PPP2R3A: variants seen among roughly 807,000 people sequenced by gnomAD.
PPP2R3A encodes the protein protein phosphatase 2 regulatory subunit B''alpha.
A neutral mutation model predicts 106.9 loss-of-function variants in PPP2R3A; 80 were observed. The observed-to-expected ratio is 0.75, with a 90% confidence interval of 0.62 to 0.90. The LOEUF is 0.90. Among genes scored for constraint, PPP2R3A ranks in the 40% least tolerant of loss-of-function variants. The pLI is 0.00. For missense variants in PPP2R3A, 1,386 were observed against 1,350.4 expected (o/e 1.03, Z -0.41); for synonymous variants, 483 against 468.3 (o/e 1.03, Z -0.41).
At chr3:136,004,741 A>G (rs1057196769) in intron 2 of PPP2R3A, among the ~76,000 whole-genome samples, 16 of 152,214 alleles carry the variant, frequency 1.1e-4, no homozygotes, top group Non-Finnish European at 2.4e-4. Flanking sequence ...TCCTGGAGGA[A>G]GGGAAATGCA....
At chr3:136,038,075 A>G (rs1389245135) in intron 3 of PPP2R3A, among the ~76,000 whole-genome samples, 2 of 152,164 alleles carry the variant, frequency 1.3e-5, no homozygotes, top group Non-Finnish European at 2.9e-5. Context: ...TTAGGTTCTT[A>G]TTGATCTCCT....
At chr3:136,073,399 A>C (rs1325879627) in intron 6 of PPP2R3A, among the ~76,000 whole-genome samples, 1 of 152,238 alleles carries the variant, frequency 6.6e-6, no homozygotes, top group Non-Finnish European at 1.5e-5. Context: ...GCGAATTAAT[A>C]GAGTACAGTT....
intron 1 of PPP2R3A, among the ~76,000 whole-genome samples, chr3:135,972,134 C>T (rs151162757): frequency 6.2e-4 from 95 of 152,302 alleles, no homozygotes; most frequent in African/African-American, 2.3e-3. Context: ...CGCCATTCCC[C>T]TTTACCCCTA....
rs377139851 is a variant in PPP2R3A at position 136,082,472 on chromosome 3, A to G, written c.2788+51A>G. ...CTTAACCATTTTAAAGAGTTATATA[A>G]ATTATCACTACTCATTATGAGAAAT... On this transcript the variant is annotated intron_variant, in intron 8 of 13. Coordinates refer to ENST00000264977, the MANE Select transcript of PPP2R3A (RefSeq NM_002718.5). The G allele has an allele frequency of 3.7e-4, 583 of 1,564,040 alleles. 1 individual carries two copies. The highest frequency in any genetic ancestry group is 6.7e-4 in the Middle Eastern group (4 of 5,970).
At chr3:136,047,535 C>T (rs2107858805) in intron 4 of PPP2R3A, among the ~76,000 whole-genome samples, 1 of 152,292 alleles carries the variant, frequency 6.6e-6, no homozygotes, top group South Asian at 2.1e-4. Flanking sequence ...AGCAAATTCG[C>T]AGAAACAGAA....
In PPP2R3A at chr3:136,065,598, A is replaced by G. The variant is rs147370683; in HGVS notation, c.2470-4880A>G. Among the ~76,000 whole-genome samples the G allele has an allele frequency of 3.0e-3, 453 of 152,340 alleles. 1 individual carries two copies. Among genetic ancestry groups the G allele is most frequent in the Admixed American group, 5.0e-3 (77 of 15,302 alleles). The stretch of plus-strand genomic sequence containing the variant: ...AACCAATAGCACTTTTAATAAATTG[A>G]AATTTTGGTTATGGGAAAATATTAA... On this transcript the variant is annotated intron_variant, in intron 5 of 13. Transcript: ENST00000264977.
At chr3:136,006,840 T>C (rs959634000) in intron 2 of PPP2R3A, among the ~76,000 whole-genome samples, 1 of 152,242 alleles carries the variant, frequency 6.6e-6, no homozygotes, top group Admixed American at 6.5e-5. Flanking sequence ...TTTATCTTGA[T>C]GATCAAGGGC....
chr3:136,082,477 T>C (rs1336461128), intron 8 of PPP2R3A, 56 bp downstream of exon 8: 2 of 1,557,044 alleles, frequency 1.3e-6, no homozygotes, highest in African/African-American at 1.4e-5. Context: ...ATATAAATTA[T>C]CACTACTCAT....
chr3:136,078,614 G>A (rs1399138846), intron 7 of PPP2R3A, among the ~76,000 whole-genome samples, 161 bp downstream of exon 7: 2 of 151,658 alleles, frequency 1.3e-5, no homozygotes, highest in Non-Finnish European at 2.9e-5. Context: ...AATGTTTTGG[G>A]TGAGGGGGTA....
At position 136,103,271 on chromosome 3, in the gene PPP2R3A, A is replaced by T. The variant is rs190478663; in HGVS notation, c.3117A>T (p.Leu1039=). The T allele has an allele frequency of 6.3e-7, 1 of 1,597,042 alleles. No homozygotes were observed. Among genetic ancestry groups the T allele is most frequent in the Admixed American group, 1.7e-5 (1 of 58,684 alleles). The change falls in exon 12 of 14, where the codon CTA becomes CTT. Residue 1039 remains leucine, a synonymous_variant. Transcript: ENST00000264977. The part of the protein sequence containing the change: ...VKPAVDGKIT[L]RDLKRCRMAH... ...ATTTTTATGTAGGCAAAATAACTCTAAGAGATCTGAAGAGGTGCAGAATGG... is the reference window on the plus strand; with the variant it reads ...ATTTTTATGTAGGCAAAATAACTCTTAGAGATCTGAAGAGGTGCAGAATGG...
chr3:135,968,053 C>T (rs886578453), intron 1 of PPP2R3A, among the ~76,000 whole-genome samples: 1 of 152,180 alleles, frequency 6.6e-6, no homozygotes, highest in East Asian at 1.9e-4. Flanking sequence ...CAGACTGCTG[C>T]CTTAACACTA....
chr3:136,074,179 C>A (rs1174328238), intron 6 of PPP2R3A, among the ~76,000 whole-genome samples: 1 of 152,092 alleles, frequency 6.6e-6, no homozygotes, highest in Non-Finnish European at 1.5e-5. Context: ...GAGTGTGATC[C>A]AAGTATTAGC....
intron 3 of PPP2R3A, among the ~76,000 whole-genome samples, chr3:136,035,470 T>G (rs1192050860): frequency 6.6e-6 from 1 of 152,190 alleles, no homozygotes; most frequent in African/African-American, 2.4e-5. Flanking sequence ...AAGACTATCT[T>G]TTCTTTACAT....
At position 136,130,100 on chromosome 3, in the gene PPP2R3A, C is replaced by T. The variant is rs549287926; in HGVS notation, c.3330-14943C>T. Among the ~76,000 whole-genome samples, 27 of 152,124 alleles carry T rather than the reference C, an allele frequency of 1.8e-4. No individual in the cohort carries two copies. In the East Asian group the frequency reaches 2.3e-3, roughly 13 times the overall value. On this transcript the variant is annotated intron_variant, in intron 13 of 13. Coordinates refer to ENST00000264977, the MANE Select transcript of PPP2R3A (RefSeq NM_002718.5). ...AACTGGAAGCATTCCCTTTGAAAAC[C>T]GGCACGAGACAAGGATGCCCTCTCT...
chr3:135,973,941 CTT>C (rs566364551), intron 1 of PPP2R3A, among the ~76,000 whole-genome samples: 163 of 152,316 alleles, frequency 1.1e-3, no homozygotes, highest in African/African-American at 3.6e-3. Context: ...ACCAGTCTCT[CTT>C]GAGTCCACAT....
intron 13 of PPP2R3A, among the ~76,000 whole-genome samples, chr3:136,128,798 C>A (rs1938287056): frequency 6.6e-6 from 1 of 152,094 alleles, no homozygotes; most frequent in Non-Finnish European, 1.5e-5. Context: ...TGTAAAAGAA[C>A]AGAAATTATA....
At chr3:136,062,804 A>G (rs1191428986) in intron 5 of PPP2R3A, among the ~76,000 whole-genome samples, 4 of 152,122 alleles carry the variant, frequency 2.6e-5, no homozygotes, top group Non-Finnish European at 1.5e-5. Context: ...TTCCATGCTC[A>G]TGGGTAGGAA....
intron 13 of PPP2R3A, among the ~76,000 whole-genome samples, chr3:136,132,302 T>C (rs1039778978): frequency 3.3e-5 from 5 of 152,088 alleles, no homozygotes; most frequent in Admixed American, 3.3e-4. Context: ...TTTAAAGGCA[T>C]TCAGATTGGA....
chr3:135,988,238 A>G lies in PPP2R3A; in HGVS notation c.-440-12821A>G, dbSNP rs147179689. On this transcript the variant is annotated intron_variant, in intron 1 of 13. Coordinates refer to ENST00000264977, the MANE Select transcript of PPP2R3A (RefSeq NM_002718.5). ...TCAATTAATGTGAGTTCTCATCTTC[A>G]GTTGTTCAAGGATTAAAAAAAAAAA... 2.3e-3 allele frequency among the ~76,000 whole-genome samples: 344 copies of G among 150,890 alleles called. 3 individuals are homozygous for G. The highest frequency in any genetic ancestry group is 6.6e-3 in the African/African-American group (271 of 41,022).
Sources: gnomAD v4.1 joint callset for allele counts (sites outside exome capture counted in the v4.1 genomes callset) on GRCh38, gnomAD v4.1.1 for gene constraint, MANE v1.5 for transcripts, NCBI Gene and HGNC (gene_info 2026-07-23, HGNC 2026-07-21) for gene names.